SDK1: variants seen among roughly 807,000 people sequenced by gnomAD.
SDK1 encodes protein sidekick-1.
In SDK1, 157 loss-of-function variants were observed where a neutral mutation model predicts 245.5. That is an observed-to-expected ratio of 0.64 (90% CI 0.56 to 0.73). The LOEUF (loss-of-function observed/expected upper bound fraction) is 0.73. SDK1 is among the 30% of genes least tolerant of loss of function. The probability of loss-of-function intolerance (pLI) is 0.00; values close to 1 mark genes in which losing one functional copy is unlikely to be tolerated. For missense variants in SDK1, 3,583 were observed against 3,002.3 expected (o/e 1.19, Z -4.52); for synonymous variants, 1,647 against 1,278.5 (o/e 1.29, Z -6.15).
intron 43 of SDK1, among the ~76,000 whole-genome samples, chr7:4,244,104 G>C (rs1391557321): frequency 6.6e-6 from 1 of 152,174 alleles, no homozygotes; most frequent in Non-Finnish European, 1.5e-5. Context: ...CCCTGGGGGA[G>C]ACAACACCCA....
intron 2 of SDK1, among the ~76,000 whole-genome samples, chr7:3,631,532 C>T (rs574498242): frequency 7.2e-5 from 11 of 152,326 alleles, no homozygotes; most frequent in East Asian, 1.9e-4. Flanking sequence ...GCAAGGACAG[C>T]AGGTGCTATC....
At chr7:3,325,314 C>T (rs1053924031) in intron 1 of SDK1, among the ~76,000 whole-genome samples, 1 of 152,018 alleles carries the variant, frequency 6.6e-6, no homozygotes, top group African/African-American at 2.4e-5. Context: ...AAGATCCTAA[C>T]CTTTATATTT....
At chr7:3,775,188 A>T (rs1031873184) in intron 4 of SDK1, among the ~76,000 whole-genome samples, 13 of 152,218 alleles carry the variant, frequency 8.5e-5, no homozygotes, top group African/African-American at 3.1e-4. Flanking sequence ...AGTTCAAATT[A>T]GAAGCTTAGA....
At chr7:3,516,219 A>G (rs1782745686) in intron 1 of SDK1, among the ~76,000 whole-genome samples, 1 of 151,678 alleles carries the variant, frequency 6.6e-6, no homozygotes, top group Non-Finnish European at 1.5e-5. Context: ...TAACATATAG[A>G]GGTTATATAT....
At chr7:3,649,541 A>G (rs1562629916) in intron 4 of SDK1, among the ~76,000 whole-genome samples, 1 of 152,054 alleles carries the variant, frequency 6.6e-6, no homozygotes, top group Non-Finnish European at 1.5e-5. Context: ...AGCTTCATTC[A>G]TTCAACATCA....
intron 20 of SDK1, among the ~76,000 whole-genome samples, chr7:4,071,339 A>T (rs930899537): frequency 1.1e-4 from 16 of 152,150 alleles, no homozygotes; most frequent in Non-Finnish European, 2.1e-4. Context: ...CTTAACTTTT[A>T]AAAAAAGTAA....
intron 1 of SDK1, among the ~76,000 whole-genome samples, chr7:3,483,361 T>A (rs1424420285): frequency 6.6e-6 from 1 of 152,210 alleles, no homozygotes; most frequent in Non-Finnish European, 1.5e-5. Flanking sequence ...TGCTCTTTCC[T>A]ATTAAATGCT....
At chr7:4,092,016 G>T (rs145579854) in intron 22 of SDK1, among the ~76,000 whole-genome samples, 1 of 152,102 alleles carries the variant, frequency 6.6e-6, no homozygotes, top group African/African-American at 2.4e-5. Context: ...ACCGTCGGGC[G>T]TGTAGACACA....
At chr7:4,172,131 G>C (rs907076517) in intron 32 of SDK1, among the ~76,000 whole-genome samples, 2 of 152,202 alleles carry the variant, frequency 1.3e-5, no homozygotes, top group Non-Finnish European at 2.9e-5. Context: ...CGCGTCTGAG[G>C]GGGGATTATA....
At chr7:4,118,304 G>A (rs367618180) in intron 25 of SDK1, among the ~76,000 whole-genome samples, 3 of 152,120 alleles carry the variant, frequency 2.0e-5, no homozygotes, top group African/African-American at 7.2e-5. Flanking sequence ...TTTACAAATG[G>A]CCACCAAGCA....
rs538279228 is a variant in SDK1 at position 4,175,628 on chromosome 7, C to G, written c.4937-147C>G. The G allele has an allele frequency of 1.4e-5, 10 of 723,628 alleles. No individual in the cohort carries two copies. In the African/African-American group the frequency reaches 1.5e-4, roughly 11 times the overall value. The allele number at this position is 723,628 out of a possible 1,614,324, so 44.8% of individuals were successfully genotyped here. ...AGCTGGTGGAAAGCTTGGGCGGTAG[C>G]GGGGTCTTTATTGCCCCGGGAGGCG... On this transcript the variant is annotated intron_variant, in intron 33 of 44. Transcript: ENST00000404826.
intron 13 of SDK1, among the ~76,000 whole-genome samples, chr7:3,975,497 C>T (rs1022801411): frequency 4.6e-5 from 7 of 152,314 alleles, no homozygotes; most frequent in Non-Finnish European, 5.9e-5. Context: ...TTTGAACACT[C>T]CGAGTATAGG....
intron 1 of SDK1, among the ~76,000 whole-genome samples, chr7:3,354,485 G>A (rs1441270592): frequency 1.3e-5 from 2 of 152,166 alleles, no homozygotes; most frequent in African/African-American, 4.8e-5. Context: ...CGTGAAAGAA[G>A]TATAGGTAAC....
At chr7:3,333,666 G>T (rs1057333190) in intron 1 of SDK1, among the ~76,000 whole-genome samples, 12 of 152,046 alleles carry the variant, frequency 7.9e-5, no homozygotes, top group African/African-American at 2.9e-4. Context: ...CCCTTCTCTT[G>T]TACCCATGTG....
At chr7:3,935,681 A>C (rs1263962103) in intron 5 of SDK1, among the ~76,000 whole-genome samples, 3 of 152,164 alleles carry the variant, frequency 2.0e-5, no homozygotes, top group Non-Finnish European at 4.4e-5. Flanking sequence ...ATGAAAGACC[A>C]CCCCACTCCC....
At chr7:4,172,462 T>C (rs1307986956) in intron 32 of SDK1, among the ~76,000 whole-genome samples, 1 of 152,150 alleles carries the variant, frequency 6.6e-6, no homozygotes, top group Non-Finnish European at 1.5e-5. Flanking sequence ...TCCTCCACGT[T>C]TGGGTTTTGC....
chr7:4,064,788 A>G (rs1054799348), intron 19 of SDK1, among the ~76,000 whole-genome samples: 10 of 152,182 alleles, frequency 6.6e-5, no homozygotes, highest in African/African-American at 2.4e-4. Flanking sequence ...AGGGCATTAC[A>G]TCAATGCCCT....
At chr7:4,006,260 C>T (rs1304359751) in intron 14 of SDK1, among the ~76,000 whole-genome samples, 1 of 152,180 alleles carries the variant, frequency 6.6e-6, no homozygotes, top group African/African-American at 2.4e-5. Flanking sequence ...CTCGGCCTTA[C>T]CACTAAGAAA....
chr7:3,543,518 G>C (rs192002969), intron 1 of SDK1, among the ~76,000 whole-genome samples: 1 of 152,200 alleles, frequency 6.6e-6, no homozygotes, highest in East Asian at 1.9e-4. Flanking sequence ...TATCCTTGCA[G>C]GGGCCACCTC....
Sources: gnomAD v4.1 joint callset for allele counts (sites outside exome capture counted in the v4.1 genomes callset) on GRCh38, gnomAD v4.1.1 for gene constraint, MANE v1.5 for transcripts, NCBI Gene and HGNC (gene_info 2026-07-23, HGNC 2026-07-21) for gene names.